The following CCDC81 variants were observed in gnomAD, a reference collection of about 807,000 sequenced individuals.
The protein encoded by CCDC81 is coiled-coil domain-containing protein 81.
A neutral mutation model predicts 83.7 loss-of-function variants in CCDC81; 79 were observed. The observed-to-expected ratio is 0.94, with a 90% CI of 0.79 to 1.14. CCDC81 has a LOEUF of 1.14. Among genes scored for constraint, CCDC81 ranks in the 50% most tolerant of loss-of-function variants. CCDC81 has a pLI of 0.00. For synonymous variants in CCDC81, 252 were observed against 278.1 expected (o/e 0.91, Z 0.93); for missense variants, 791 against 778.1 (o/e 1.02, Z -0.20).
intron 14 of CCDC81, among the ~76,000 whole-genome samples, chr11:86,421,932 C>T (rs138244304): frequency 0.011 from 1,644 of 151,726 alleles, 30 homozygotes; most frequent in African/African-American, 0.038. Flanking sequence ...AAAAAATCCA[C>T]CCATGGAGAA....
At chr11:86,378,562 G>A (rs936778492) in intron 1 of CCDC81, among the ~76,000 whole-genome samples, 1 of 152,136 alleles carries the variant, frequency 6.6e-6, no homozygotes, top group Non-Finnish European at 1.5e-5. Context: ...TTTCTGATAG[G>A]TGAGTACTGA....
intron 7 of CCDC81, among the ~76,000 whole-genome samples, chr11:86,403,921 A>G (rs553992148): frequency 6.6e-6 from 1 of 152,326 alleles, no homozygotes; most frequent in South Asian, 2.1e-4. Flanking sequence ...GAGATGTCAA[A>G]GATGACCCCA....
chr11:86,400,559 G>A, intron 6 of CCDC81, 119 bp from the exon 7 acceptor site: 1 of 998,394 alleles, frequency 1.0e-6, no homozygotes, highest in Admixed American at 2.4e-5. Flanking sequence ...AGAACAAGGG[G>A]TGATTATTTA....
In CCDC81 at chr11:86,412,528, G is replaced by T. The variant is rs1432952787; in HGVS notation, c.1360G>T (p.Asp454Tyr). 10 of 1,612,422 alleles carry T rather than the reference G, an allele frequency of 6.2e-6. No individual in the cohort carries two copies. The highest frequency in any genetic ancestry group is 8.5e-6 in the Non-Finnish European group (10 of 1,179,486). ...GCAAAGACAATACAGAGAGTTGATG[G>T]ACCGCCTGGAACAAGTGCAACTCAC... ...IKQRQYRELM[D>Y]RLEQVQLTEE... Residue 454 changes from aspartate to tyrosine, a missense_variant, in exon 11 of 15, where the codon GAC becomes TAC. Asp to Tyr is a radical substitution (Grantham distance 160). Coordinates refer to ENST00000445632, the MANE Select transcript of CCDC81 (RefSeq NM_001156474.2).
chr11:86,402,963 G>A (rs963922676), intron 7 of CCDC81, among the ~76,000 whole-genome samples: 4 of 151,422 alleles, frequency 2.6e-5, no homozygotes, highest in African/African-American at 4.9e-5. Context: ...CTCAGACCCC[G>A]AGTAGCTGGG....
At chr11:86,402,291 C>G (rs946273558) in intron 7 of CCDC81, among the ~76,000 whole-genome samples, 2 of 151,878 alleles carry the variant, frequency 1.3e-5, no homozygotes, top group African/African-American at 4.8e-5. Flanking sequence ...TTTATATTAA[C>G]CTTATGATGT....
At chr11:86,403,890 T>C (rs1275640433) in intron 7 of CCDC81, among the ~76,000 whole-genome samples, 1 of 152,148 alleles carries the variant, frequency 6.6e-6, no homozygotes, top group Non-Finnish European at 1.5e-5. Flanking sequence ...TGTTGGGGAT[T>C]AGTTAAGGGA....
intron 11 of CCDC81, among the ~76,000 whole-genome samples, chr11:86,413,274 G>A (rs753959263): frequency 2.6e-5 from 4 of 152,216 alleles, no homozygotes; most frequent in East Asian, 1.9e-4. Flanking sequence ...ACGTCCAGCC[G>A]CTTGTGTGCC....
chr11:86,401,776 G>T (rs1948491292), intron 7 of CCDC81, among the ~76,000 whole-genome samples: 1 of 152,130 alleles, frequency 6.6e-6, no homozygotes, highest in South Asian at 2.1e-4. Context: ...CAGAGTAATT[G>T]TTGGAAGTGG....
Position 86,412,534 on chromosome 11 carries a change from C to T in CCDC81, c.1366C>T (p.Leu456=). 6.2e-7 allele frequency: 1 copy of T among 1,611,140 alleles called. No homozygotes were observed. Among genetic ancestry groups the T allele is most frequent in the Non-Finnish European group, 8.5e-7 (1 of 1,179,088 alleles). The change falls in exon 11 of 15, where the codon CTG becomes TTG. Residue 456 remains leucine, a synonymous_variant. Transcript: ENST00000445632. ...QRQYRELMDR[L]EQVQLTEELA... is the part of the protein sequence containing the mutation. Reference sequence around the variant, plus strand: ...ACAATACAGAGAGTTGATGGACCGCCTGGAACAAGTGCAACTCACAGAGGA... The same window carrying T: ...ACAATACAGAGAGTTGATGGACCGCTTGGAACAAGTGCAACTCACAGAGGA...
At chr11:86,405,823 C>T (rs572710443) in intron 7 of CCDC81, among the ~76,000 whole-genome samples, 182 of 147,278 alleles carry the variant, frequency 1.2e-3, no homozygotes, top group Non-Finnish European at 2.3e-3. Context: ...AGCGCAGTGG[C>T]GTGATCTTGG....
rs1048751214 is a variant in CCDC81 at position 86,410,338 on chromosome 11, A to T, written c.1218+973A>T. Among the ~76,000 whole-genome samples the T allele has an allele frequency of 2.6e-5, 4 of 152,222 alleles. No individual in the cohort carries two copies. The East Asian group carries it at 5.8e-4, about 22-fold the overall frequency. ...CCACTGTGCTGGTGTCTAGGAATAC[A>T]AGGTTCCCTCTTCTGAAGAGGTCTC... is the stretch of plus-strand genomic sequence containing the variant. On this transcript the variant is annotated intron_variant, in intron 10 of 14. Coordinates refer to ENST00000445632, the MANE Select transcript of CCDC81 (RefSeq NM_001156474.2).
At chr11:86,415,963 A>G (rs1204617105) in intron 13 of CCDC81, among the ~76,000 whole-genome samples, 1 of 152,162 alleles carries the variant, frequency 6.6e-6, no homozygotes, top group African/African-American at 2.4e-5. Flanking sequence ...TGTGAGCCAC[A>G]GCACCCAGCC....
At chr11:86,409,186 T>C in intron 9 of CCDC81, 75 bp from the exon 10 acceptor site, 1 of 666,534 alleles carries the variant, frequency 1.5e-6, no homozygotes, top group Non-Finnish European at 2.3e-6. Context: ...GTAATAGAAT[T>C]AAAATTTTTG....
At chr11:86,380,655 T>C (rs971381729) in intron 1 of CCDC81, among the ~76,000 whole-genome samples, 1 of 152,208 alleles carries the variant, frequency 6.6e-6, no homozygotes, top group Non-Finnish European at 1.5e-5. Flanking sequence ...GCTTTCCTTT[T>C]GAAGTTTCCT....
intron 1 of CCDC81, among the ~76,000 whole-genome samples, chr11:86,377,976 T>TTTTTTA: frequency 7.0e-6 from 1 of 142,546 alleles, no homozygotes; most frequent in Admixed American, 7.1e-5. Context: ...TTCTTTTTTT[T>TTTTTTA]TTTTTTTTTT....
chr11:86,386,391 G>A (rs1948242011), intron 2 of CCDC81, among the ~76,000 whole-genome samples: 1 of 152,198 alleles, frequency 6.6e-6, no homozygotes, highest in Non-Finnish European at 1.5e-5. Context: ...CAGCCTGGGT[G>A]TGTGTAAGGA....
rs181706390 is a variant in CCDC81, at chr11:86,414,874, G to C, written c.1470+7G>C. 16 of 1,589,068 alleles carry C rather than the reference G, an allele frequency of 1.0e-5. No individual in the cohort carries two copies. In the East Asian group the frequency reaches 2.9e-4, roughly 29 times the overall value. On this transcript the variant is annotated splice_region_variant and intron_variant, in intron 12 of 14. Transcript: ENST00000445632. ...GAGAGCTTTGGATGCACAGGTAAGG[G>C]GACAGACAAATATTATTTTTAAAAT...
At chr11:86,386,179 G>T in intron 2 of CCDC81, 67 bp downstream of exon 2, 1 of 525,470 alleles carries the variant, frequency 1.9e-6, no homozygotes, top group Non-Finnish European at 2.9e-6. Flanking sequence ...GGCATCTAAA[G>T]GATCCTTCCT....
Sources: allele counts gnomAD v4.1 joint callset (sites outside exome capture counted in the v4.1 genomes callset), GRCh38; gene constraint gnomAD v4.1.1; transcripts MANE v1.5; gene names NCBI Gene and HGNC (gene_info 2026-07-23, HGNC 2026-07-21).